PXDNL: variants seen among roughly 807,000 people sequenced by gnomAD.
The protein encoded by PXDNL is probable oxidoreductase PXDNL.
PXDNL carries 145 observed loss-of-function variants against 150.8 expected under a neutral mutation model. The ratio of observed to expected loss-of-function variants is 0.96; its 90% confidence interval spans 0.84 to 1.10. The LOEUF is 1.10. PXDNL is among the 50% of genes least tolerant of loss of function. The probability of loss-of-function intolerance (pLI) is 0.00; values close to 1 mark genes in which losing one functional copy is unlikely to be tolerated. For synonymous variants in PXDNL, 757 were observed against 725.7 expected, an observed-to-expected ratio of 1.04 and a Z score of -0.69; for missense variants, 2,087 against 1,873.9, an observed-to-expected ratio of 1.11 and a Z score of -2.10.
intron 2 of PXDNL, among the ~76,000 whole-genome samples, chr8:51,605,718 G>A (rs1215570842): frequency 1.3e-5 from 2 of 152,164 alleles, no homozygotes; most frequent in Admixed American, 6.5e-5. Context: ...TAATCCCTCT[G>A]TTCTCATGAA....
chr8:51,789,820 A>G (rs1435721215), intron 1 of PXDNL, among the ~76,000 whole-genome samples: 1 of 152,198 alleles, frequency 6.6e-6, no homozygotes, highest in Non-Finnish European at 1.5e-5. Context: ...AGAAGGAAGA[A>G]CAAATATTAG....
chr8:51,620,746 C>T (rs1229040314), intron 2 of PXDNL, among the ~76,000 whole-genome samples: 3 of 151,988 alleles, frequency 2.0e-5, no homozygotes, highest in Non-Finnish European at 2.9e-5. Flanking sequence ...GAGGTTTCCT[C>T]GTGTTGCCCA....
At chr8:51,433,261 A>C (rs1410229255) in intron 12 of PXDNL, among the ~76,000 whole-genome samples, 1 of 150,274 alleles carries the variant, frequency 6.7e-6, no homozygotes, top group Non-Finnish European at 1.5e-5. Context: ...AAATATTTCT[A>C]ACATTTCATC....
chr8:51,404,871 G>C (rs1808391258), intron 17 of PXDNL, among the ~76,000 whole-genome samples: 1 of 152,218 alleles, frequency 6.6e-6, no homozygotes, highest in Admixed American at 6.5e-5. Context: ...CCCAGAGCAG[G>C]GGACGGTGAT....
In PXDNL at chr8:51,386,742, A is replaced by G. The variant is rs1807726649; in HGVS notation, c.3558-12011T>C. 2.6e-5 allele frequency among the ~76,000 whole-genome samples: 4 copies of G among 151,770 alleles called. No homozygotes were observed. The South Asian group carries it at 8.3e-4, about 32-fold the overall frequency. ...TGAGGCAGAAAAATTGCTTGAACCC[A>G]GGAGGTGGAGGTTGTAGTGAGCCAA... is the stretch of plus-strand genomic sequence containing the variant. On this transcript the variant is annotated intron_variant, in intron 17 of 22. Coordinates refer to ENST00000356297, the MANE Select transcript of PXDNL (RefSeq NM_144651.5).
intron 13 of PXDNL, among the ~76,000 whole-genome samples, 195 bp downstream of exon 13, chr8:51,426,451 A>G (rs1809101017): frequency 6.6e-6 from 1 of 152,150 alleles, no homozygotes; most frequent in African/African-American, 2.4e-5. Flanking sequence ...AAAACACTGA[A>G]CCAAAATCAG....
intron 3 of PXDNL, among the ~76,000 whole-genome samples, chr8:51,576,212 A>C (rs1813050311): frequency 7.0e-6 from 1 of 143,264 alleles, no homozygotes; most frequent in African/African-American, 2.8e-5. Flanking sequence ...AAAAAAAAAA[A>C]AACAAACAAA....
At chr8:51,571,386 T>C (rs770952987) in intron 3 of PXDNL, among the ~76,000 whole-genome samples, 28 of 151,824 alleles carry the variant, frequency 1.8e-4, no homozygotes, top group Non-Finnish European at 3.1e-4. Flanking sequence ...AACAGATATG[T>C]ATGGAAAATA....
chr8:51,417,729 T>G (rs1808835847), intron 14 of PXDNL, among the ~76,000 whole-genome samples: 1 of 152,194 alleles, frequency 6.6e-6, no homozygotes, highest in South Asian at 2.1e-4. Flanking sequence ...CTGACACATG[T>G]GAGGGCTGTC....
chr8:51,653,076 G>A (rs951992335), intron 2 of PXDNL, among the ~76,000 whole-genome samples: 7 of 152,108 alleles, frequency 4.6e-5, no homozygotes, highest in Non-Finnish European at 1.0e-4. Context: ...TCATATACAT[G>A]TTTCAGTAGA....
chr8:51,808,219 G>A (rs905199460), intron 1 of PXDNL, among the ~76,000 whole-genome samples: 1 of 152,114 alleles, frequency 6.6e-6, no homozygotes, highest in South Asian at 2.1e-4. Context: ...CTCTGCCCAA[G>A]AATGGACTTG....
chr8:51,553,771 T>TACACAC (rs1554552269), intron 4 of PXDNL, among the ~76,000 whole-genome samples: 25 of 63,782 alleles, frequency 3.9e-4, no homozygotes, highest in African/African-American at 2.1e-3. Context: ...TATATATATA[T>TACACAC]ACACACACTG....
rs368808097 is a variant in PXDNL at position 51,453,669 on chromosome 8, T to C, written c.1099A>G (p.Asn367Asp). Residue 367 changes from asparagine (N) to aspartate (D), a missense_variant, in exon 10 of 23, where the codon AAT becomes GAT. Asn to Asp is a conservative substitution (Grantham distance 23). Transcript: ENST00000356297. ...CTGGATCCATCCAGCTCCAATCCAT[T>C]GTCCCTGGTCCAAGTGATAAGAGGG... ...PHPLITWTRD[N>D]GLELDGSRHV... 57 of 1,614,034 alleles carry C rather than the reference T, an allele frequency of 3.5e-5. No individual in the cohort carries two copies. The African/African-American group carries it at 7.1e-4, about 20-fold the overall frequency.
chr8:51,324,247 C>T (rs1193459986), intron 21 of PXDNL, among the ~76,000 whole-genome samples: 2 of 152,158 alleles, frequency 1.3e-5, no homozygotes, highest in African/African-American at 2.4e-5. Context: ...TTTATTTCTT[C>T]CTTTTCAATC....
intron 1 of PXDNL, among the ~76,000 whole-genome samples, chr8:51,687,294 C>T (rs1040852998): frequency 6.6e-6 from 1 of 152,120 alleles, no homozygotes; most frequent in Admixed American, 6.5e-5. Context: ...TTAGGAGTCT[C>T]AATATGTCAG....
chr8:51,732,455 C>T (rs986082099), intron 1 of PXDNL, among the ~76,000 whole-genome samples: 1 of 152,186 alleles, frequency 6.6e-6, no homozygotes, highest in African/African-American at 2.4e-5. Context: ...TCCAAACTTT[C>T]CTACATCTTC....
At chr8:51,423,762 G>T in intron 13 of PXDNL, 31 bp from the exon 14 acceptor site, 4 of 1,594,846 alleles carry the variant, frequency 2.5e-6, no homozygotes, top group Non-Finnish European at 3.4e-6. Flanking sequence ...GCCACTGAAT[G>T]AGTGTGGTTC....
At chr8:51,361,960 A>AAAAAAAAAG (rs1563374211) in intron 19 of PXDNL, among the ~76,000 whole-genome samples, 6 of 148,896 alleles carry the variant, frequency 4.0e-5, no homozygotes, top group African/African-American at 1.5e-4. Context: ...AAAAAAAAAA[A>AAAAAAAAAG]AAAAAGAAAA....
intron 5 of PXDNL, among the ~76,000 whole-genome samples, chr8:51,492,391 T>A (rs991849470): frequency 6.6e-6 from 1 of 152,124 alleles, no homozygotes; most frequent in African/African-American, 2.4e-5. Context: ...CATTTCCAAC[T>A]GAGGTACCGG....
Sources: allele counts gnomAD v4.1 joint callset (sites outside exome capture counted in the v4.1 genomes callset), GRCh38; gene constraint gnomAD v4.1.1; transcripts MANE v1.5; gene names NCBI Gene and HGNC (gene_info 2026-07-23, HGNC 2026-07-21).